METTL15: variants seen among roughly 807,000 people sequenced by gnomAD.
METTL15 encodes the protein methyltransferase 15, mitochondrial 12S rRNA N4-cytidine.
A neutral mutation model predicts 38.3 loss-of-function variants in METTL15; 34 were observed. That is an observed-to-expected ratio of 0.89 (90% CI 0.68 to 1.18). METTL15 has a LOEUF of 1.18. METTL15 is among the 50% of genes most tolerant of loss of function. The pLI is 0.00. For missense variants in METTL15, 438 were observed against 498.4 expected, an observed-to-expected ratio of 0.88 and a Z score of 1.15; for synonymous variants, 162 against 170.9, an observed-to-expected ratio of 0.95 and a Z score of 0.41.
chr11:28,527,637 G>A (rs1477660636), downstream of METTL15, among the ~76,000 whole-genome samples: 1 of 152,170 alleles, frequency 6.6e-6, no homozygotes, highest in Non-Finnish European at 1.5e-5. Context: ...AAGAGGCATG[G>A]TGCTTTGAAA....
At chr11:28,119,171 CAACTTAAT>C (rs967953836) in intron 3 of METTL15, among the ~76,000 whole-genome samples, 2 of 152,132 alleles carry the variant, frequency 1.3e-5, no homozygotes, top group African/African-American at 4.8e-5. Flanking sequence ...TTCTTCATAG[CAACTTAAT>C]AAGTCATAAT....
intron 6 of METTL15, among the ~76,000 whole-genome samples, chr11:28,440,682 C>A (rs917548997): frequency 1.3e-5 from 2 of 152,192 alleles, no homozygotes; most frequent in Non-Finnish European, 2.9e-5. Context: ...GCCTGGTACA[C>A]AACAAAAGGT....
intron 4 of METTL15, among the ~76,000 whole-genome samples, chr11:28,264,180 G>A (rs1855319876): frequency 6.6e-6 from 1 of 152,016 alleles, no homozygotes; most frequent in Non-Finnish European, 1.5e-5. Context: ...AAAGCATTTC[G>A]TTTGTCTTAA....
intron 6 of METTL15, among the ~76,000 whole-genome samples, chr11:28,431,303 G>T (rs1177504751): frequency 1.4e-5 from 2 of 145,380 alleles, no homozygotes; most frequent in Non-Finnish European, 3.1e-5. Context: ...TTGAGAACAG[G>T]CCAGGATGAC....
intron 4 of METTL15, among the ~76,000 whole-genome samples, chr11:28,237,094 C>T (rs1854024515): frequency 2.0e-5 from 3 of 152,076 alleles, no homozygotes; most frequent in African/African-American, 7.2e-5. Context: ...AGTTGCTCTT[C>T]TCGAGGAGTA....
At chr11:28,151,408 C>G (rs1241796400) in intron 3 of METTL15, among the ~76,000 whole-genome samples, 1 of 151,858 alleles carries the variant, frequency 6.6e-6, no homozygotes, top group Non-Finnish European at 1.5e-5. Flanking sequence ...ACATCATTTT[C>G]TAGGGTAATG....
intron 3 of METTL15, among the ~76,000 whole-genome samples, chr11:28,200,090 T>C (rs1852054026): frequency 6.6e-6 from 1 of 152,142 alleles, no homozygotes; most frequent in African/African-American, 2.4e-5. Flanking sequence ...TTCCAAGTTA[T>C]CCAAATGGCA....
chr11:28,491,427 T>C (rs917262139), intron 6 of METTL15, among the ~76,000 whole-genome samples: 2 of 152,146 alleles, frequency 1.3e-5, no homozygotes, highest in Non-Finnish European at 2.9e-5. Context: ...CTCATTCTTA[T>C]ATCCCACAGA....
intron 3 of METTL15, among the ~76,000 whole-genome samples, chr11:28,153,078 A>G (rs1850148313): frequency 6.6e-6 from 1 of 151,976 alleles, no homozygotes; most frequent in Admixed American, 6.6e-5. Flanking sequence ...TGTCACTTTC[A>G]TGGCCATCTT....
chr11:28,273,089 G>A (rs570632268), intron 4 of METTL15, among the ~76,000 whole-genome samples: 2 of 152,098 alleles, frequency 1.3e-5, no homozygotes, highest in Non-Finnish European at 2.9e-5. Flanking sequence ...AAAATATTCT[G>A]TGAATCATAA....
At chr11:28,405,747 T>C (rs1454481701) in intron 5 of METTL15, among the ~76,000 whole-genome samples, 1 of 152,188 alleles carries the variant, frequency 6.6e-6, no homozygotes, top group African/African-American at 2.4e-5. Flanking sequence ...TGTAGAACTC[T>C]GCTGTAGATT....
At chr11:28,178,782 G>T (rs750495334) in intron 3 of METTL15, among the ~76,000 whole-genome samples, 8 of 151,482 alleles carry the variant, frequency 5.3e-5, no homozygotes, top group Non-Finnish European at 1.2e-4. Flanking sequence ...TATTCATTGC[G>T]AATATTTTAC....
Position 28,121,464 on chromosome 11 carries a change from G to T in METTL15, c.270+7860G>T, listed in dbSNP as rs539029909. Among the ~76,000 whole-genome samples, 12 of 152,176 alleles carry T rather than the reference G, an allele frequency of 7.9e-5. No homozygotes were observed. The South Asian group carries it at 2.5e-3, about 32-fold the overall frequency. On this transcript the variant is annotated intron_variant, in intron 3 of 6. Coordinates refer to ENST00000407364, the MANE Select transcript of METTL15 (RefSeq NM_001113528.2). Reference sequence around the variant, plus strand: ...ATTTGTGTAATAGATTTAGAAAGAAGAAATTTTGACACTTCTAATAAACCT... The same window carrying T: ...ATTTGTGTAATAGATTTAGAAAGAATAAATTTTGACACTTCTAATAAACCT...
At chr11:28,387,326 C>G (rs546600396) in intron 5 of METTL15, among the ~76,000 whole-genome samples, 8 of 151,570 alleles carry the variant, frequency 5.3e-5, no homozygotes, top group Non-Finnish European at 1.2e-4. Context: ...AAAAGATGAT[C>G]AAATAACAAA....
intron 5 of METTL15, among the ~76,000 whole-genome samples, chr11:28,368,152 C>CAAA (rs572862749): frequency 9.2e-6 from 1 of 108,708 alleles, no homozygotes; most frequent in East Asian, 2.6e-4. Flanking sequence ...ACAAAAAAAA[C>CAAA]AAAAAAAAAA....
At chr11:28,519,667 C>T (rs1417433396) in intron 6 of METTL15, among the ~76,000 whole-genome samples, 1 of 152,112 alleles carries the variant, frequency 6.6e-6, no homozygotes, top group Non-Finnish European at 1.5e-5. Context: ...TGGTCAAGTG[C>T]ACAGGGTTGG....
At chr11:28,276,927 A>G (rs913048380) in intron 4 of METTL15, among the ~76,000 whole-genome samples, 5 of 152,178 alleles carry the variant, frequency 3.3e-5, no homozygotes, top group African/African-American at 7.2e-5. Flanking sequence ...AACATGAATT[A>G]AGTTAAACGT....
intron 5 of METTL15, among the ~76,000 whole-genome samples, chr11:28,292,252 C>T (rs970691152): frequency 2.2e-5 from 3 of 134,890 alleles, no homozygotes; most frequent in Non-Finnish European, 4.6e-5. Flanking sequence ...TGTTCCCCTT[C>T]CTGTGTCCAT....
At chr11:28,494,772 C>T (rs981412866) in intron 6 of METTL15, among the ~76,000 whole-genome samples, 1 of 152,188 alleles carries the variant, frequency 6.6e-6, no homozygotes, top group Non-Finnish European at 1.5e-5. Context: ...TGCCCTCTTG[C>T]CTGCCACCAT....
Sources: allele counts gnomAD v4.1 joint callset (sites outside exome capture counted in the v4.1 genomes callset), GRCh38; gene constraint gnomAD v4.1.1; transcripts MANE v1.5; gene names NCBI Gene and HGNC (gene_info 2026-07-23, HGNC 2026-07-21).